Variants in PDE1A observed in about 807,000 individuals in gnomAD.
PDE1A encodes phosphodiesterase 1A, also known as dual specificity calcium/calmodulin-dependent 3',5'-cyclic nucleotide phosphodiesterase 1A.
Under a neutral mutation model 61.7 loss-of-function variants are expected in PDE1A, and 35 were observed. That is an observed-to-expected ratio of 0.57 (90% CI 0.43 to 0.75). PDE1A has a LOEUF of 0.75. PDE1A is among the 30% of genes least tolerant of loss of function. The pLI is 0.00. For synonymous variants in PDE1A, 232 were observed against 213.2 expected (o/e 1.09, Z -0.77); for missense variants, 597 against 630.6 (o/e 0.95, Z 0.57).
intron 1 of PDE1A, among the ~76,000 whole-genome samples, chr2:182,318,123 C>G (rs1429325167): frequency 6.6e-6 from 1 of 152,070 alleles, no homozygotes; most frequent in Admixed American, 6.6e-5. Flanking sequence ...ACATTTAAAA[C>G]CTTTCTCTAC....
intron 2 of PDE1A, among the ~76,000 whole-genome samples, chr2:182,514,226 A>G (rs1327295179): frequency 6.6e-6 from 1 of 152,272 alleles, no homozygotes; most frequent in East Asian, 1.9e-4. Flanking sequence ...GGTAGGAAGA[A>G]TCAACATTGC....
the PDE1A span, among the ~76,000 whole-genome samples, chr2:182,695,878 A>G: frequency 6.6e-6 from 1 of 152,164 alleles, no homozygotes; most frequent in Non-Finnish European, 1.5e-5. Flanking sequence ...GTTCCATGTC[A>G]TATGTCAATA....
chr2:182,564,367 A>G, the PDE1A span, among the ~76,000 whole-genome samples: 661 of 152,316 alleles, frequency 4.3e-3, 4 homozygotes, highest in Non-Finnish European at 7.5e-3. Flanking sequence ...TTCTTTAAGA[A>G]TGTTGAATAT....
intron 2 of PDE1A, among the ~76,000 whole-genome samples, chr2:182,436,401 T>C (rs1397076076): frequency 1.3e-5 from 2 of 152,002 alleles, no homozygotes; most frequent in East Asian, 3.9e-4. Context: ...TCAAATTCCA[T>C]ACAGGATTTA....
chr2:182,641,052 G>A, the PDE1A span, among the ~76,000 whole-genome samples: 1 of 132,250 alleles, frequency 7.6e-6, no homozygotes, highest in Non-Finnish European at 1.6e-5. Context: ...AGATATACAA[G>A]GAATACAAAG....
chr2:182,641,127 G>T, the PDE1A span, among the ~76,000 whole-genome samples: 1 of 151,864 alleles, frequency 6.6e-6, no homozygotes, highest in Non-Finnish European at 1.5e-5. Context: ...TAAGATTCTA[G>T]GTACACATTT....
In PDE1A at chr2:182,320,661, A is replaced by G. The variant is rs770526534; in HGVS notation, c.54-56247T>C. 3.9e-5 allele frequency among the ~76,000 whole-genome samples: 6 copies of G among 152,324 alleles called. No individual in the cohort carries two copies. In the East Asian group the frequency reaches 1.2e-3, roughly 29 times the overall value. On this transcript the variant is annotated intron_variant, in intron 1 of 13. Coordinates refer to ENST00000351439, the Ensembl canonical transcript of PDE1A. ...ACAACCAGCTTTTTGAAAGTTAGCT[A>G]TTAATTTTAGCAATAAATCACTTTT...
intron 4 of PDE1A, among the ~76,000 whole-genome samples, chr2:182,232,027 T>C (rs977232985): frequency 2.6e-5 from 4 of 152,192 alleles, no homozygotes; most frequent in Admixed American, 1.3e-4. Context: ...ACTATTATTA[T>C]TTGCTCTATC....
intron 2 of PDE1A, among the ~76,000 whole-genome samples, chr2:182,432,230 A>G (rs970906940): frequency 2.0e-5 from 3 of 152,060 alleles, no homozygotes; most frequent in Non-Finnish European, 2.9e-5. Context: ...ACCCTATGAT[A>G]AAATGTTAAG....
chr2:182,361,053 C>T (rs1303691661), intron 1 of PDE1A, among the ~76,000 whole-genome samples: 4 of 152,042 alleles, frequency 2.6e-5, no homozygotes, highest in Non-Finnish European at 5.9e-5. Flanking sequence ...ATGAGACAGA[C>T]ACTGCAATCA....
At chr2:182,168,836 T>TAAC (rs767197267) in intron 13 of PDE1A, among the ~76,000 whole-genome samples, 2 of 152,088 alleles carry the variant, frequency 1.3e-5, no homozygotes, top group Admixed American at 1.3e-4. Flanking sequence ...TGAAATATGC[T>TAAC]AACAACAACA....
At chr2:182,695,354 A>T in the PDE1A span, among the ~76,000 whole-genome samples, 1 of 152,186 alleles carries the variant, frequency 6.6e-6, no homozygotes, top group East Asian at 1.9e-4. Flanking sequence ...TGGAAGTAGG[A>T]AAACTTAAAC....
intron 13 of PDE1A, among the ~76,000 whole-genome samples, chr2:182,180,756 C>T (rs1052449428): frequency 6.6e-6 from 1 of 151,602 alleles, no homozygotes; most frequent in Non-Finnish European, 1.5e-5. Context: ...TCACATAGTC[C>T]CACATTTCTC....
At chr2:182,268,466 T>A (rs566429634) in intron 1 of PDE1A, among the ~76,000 whole-genome samples, 1 of 152,204 alleles carries the variant, frequency 6.6e-6, no homozygotes, top group East Asian at 1.9e-4. Flanking sequence ...TATACATATA[T>A]ACATATATAA....
At chr2:182,435,919 A>G (rs10207132) in intron 2 of PDE1A, among the ~76,000 whole-genome samples, 30,174 of 152,050 alleles carry the variant, frequency 0.2, 3,157 homozygotes, top group Middle Eastern at 0.36. Flanking sequence ...AATCAATGTC[A>G]GTAATGGAAA....
chr2:182,311,688 T>C (rs886536243), intron 1 of PDE1A, among the ~76,000 whole-genome samples: 1 of 152,208 alleles, frequency 6.6e-6, no homozygotes. Flanking sequence ...CTATTTTTTT[T>C]TGAATGGATG....
At chr2:182,563,229 G>C in the PDE1A span, among the ~76,000 whole-genome samples, 1 of 152,054 alleles carries the variant, frequency 6.6e-6, no homozygotes, top group African/African-American at 2.4e-5. Context: ...TGCTTTAAAT[G>C]TGTCCCAGAG....
At chr2:182,522,379 T>C in exon 2 of PDE1A, 1 of 1,613,386 alleles carries the variant, frequency 6.2e-7, no homozygotes, top group Non-Finnish European at 8.5e-7. Context: ...GACCCCATGA[T>C]GATGCTCCTA....
the PDE1A span, among the ~76,000 whole-genome samples, chr2:182,599,112 T>C: frequency 6.6e-6 from 1 of 152,182 alleles, no homozygotes; most frequent in Non-Finnish European, 1.5e-5. Flanking sequence ...AAACCATGGC[T>C]GCAGACTCAT....
Sources: allele counts gnomAD v4.1 joint callset (sites outside exome capture counted in the v4.1 genomes callset), GRCh38; gene constraint gnomAD v4.1.1; transcripts MANE v1.5; gene names NCBI Gene and HGNC (gene_info 2026-07-23, HGNC 2026-07-21).